The following PCLO variants were observed in gnomAD, a reference collection of about 807,000 sequenced individuals.
The protein encoded by PCLO is protein piccolo.
PCLO carries 82 observed loss-of-function variants against 427.5 expected under a neutral mutation model. The ratio of observed to expected loss-of-function variants is 0.19; its 90% CI spans 0.16 to 0.23. PCLO has a LOEUF of 0.23. Ranked by LOEUF, PCLO falls within the 10% of genes least tolerant of loss-of-function variation. PCLO has a pLI of 1.00. For missense variants in PCLO, 6,239 were observed against 6,115.9 expected, an observed-to-expected ratio of 1.02 and a Z score of -0.67; for synonymous variants, 2,357 against 2,155.4, an observed-to-expected ratio of 1.09 and a Z score of -2.59.
At chr7:82,872,359 C>G (rs1359595680) in intron 10 of PCLO, among the ~76,000 whole-genome samples, 1 of 151,898 alleles carries the variant, frequency 6.6e-6, no homozygotes, top group Non-Finnish European at 1.5e-5. Flanking sequence ...AAAATATGAT[C>G]ATACTCAGCA....
intron 8 of PCLO, among the ~76,000 whole-genome samples, chr7:82,903,247 T>G (rs1457970937): frequency 6.6e-6 from 1 of 151,992 alleles, no homozygotes; most frequent in Non-Finnish European, 1.5e-5. Context: ...TGATTTATTG[T>G]GGCATTGTAC....
chr7:83,079,000 C>T (rs1233943091), intron 3 of PCLO, among the ~76,000 whole-genome samples: 3 of 152,048 alleles, frequency 2.0e-5, no homozygotes, highest in Non-Finnish European at 4.4e-5. Flanking sequence ...AGATTCTCAT[C>T]AGAAGTCTTT....
At position 82,955,602 on chromosome 7, in the gene PCLO, T is replaced by A. The variant is rs752940317; in HGVS notation, c.5351A>T (p.Glu1784Val). The A allele has an allele frequency of 1.9e-6, 3 of 1,613,918 alleles. No homozygotes were observed. Among genetic ancestry groups the A allele is most frequent in the Non-Finnish European group, 1.7e-6 (2 of 1,179,836 alleles). ...CTGCTTTTCTTGCTCCTTTAATAAT[T>A]CTTCTTCCTCTCTCAATTCTTCTTC... Reference protein sequence around the residue: ...SEEEELREEEELLKEQEKQRE... With the variant: ...SEEEELREEEVLLKEQEKQRE... Residue 1784 changes from glutamate (E) to valine (V), a missense_variant, in exon 5 of 25, where the codon GAA becomes GTA. Physicochemically the swap from Glu to Val is moderately radical, Grantham distance 121. Transcript: ENST00000333891.
intron 22 of PCLO, among the ~76,000 whole-genome samples, chr7:82,765,853 C>A (rs1790521112): frequency 6.6e-6 from 1 of 151,524 alleles, no homozygotes; most frequent in African/African-American, 2.4e-5. Context: ...TGAATCAGAT[C>A]TTAAGATCTC....
intron 3 of PCLO, among the ~76,000 whole-genome samples, chr7:82,973,521 AC>A (rs1279207943): frequency 6.6e-6 from 1 of 152,150 alleles, no homozygotes; most frequent in African/African-American, 2.4e-5. Flanking sequence ...TATAAATACA[AC>A]CTAATACAAT....
Position 82,761,505 on chromosome 7 carries a change from T to G in PCLO, c.15008-12A>C. On this transcript the variant is annotated splice_polypyrimidine_tract_variant and intron_variant, in intron 22 of 24. Transcript: ENST00000333891. ...TACCTGAGTTTTAGCTGGGAGAATT[T>G]AATAAAAATGCAAAGAAGTATGTAA... 1 of 1,582,364 alleles carries G rather than the reference T, an allele frequency of 6.3e-7. No individual in the cohort carries two copies. Among genetic ancestry groups the G allele is most frequent in the Non-Finnish European group, 8.6e-7 (1 of 1,162,174 alleles).
At chr7:82,787,922 A>C (rs926762879) in intron 22 of PCLO, among the ~76,000 whole-genome samples, 2 of 152,112 alleles carry the variant, frequency 1.3e-5, no homozygotes, top group Admixed American at 6.6e-5. Context: ...ACTTGAAGAA[A>C]AAGCTGTCTT....
intron 9 of PCLO, among the ~76,000 whole-genome samples, chr7:82,891,747 C>T (rs1213787822): frequency 3.3e-5 from 5 of 151,870 alleles, no homozygotes; most frequent in South Asian, 2.1e-4. Context: ...TATCATGAAG[C>T]GCTGTTGAAT....
chr7:83,126,649 T>C (rs866752218), intron 3 of PCLO, among the ~76,000 whole-genome samples: 2 of 152,028 alleles, frequency 1.3e-5, no homozygotes, highest in Non-Finnish European at 2.9e-5. Flanking sequence ...GGGAAAATCA[T>C]TTCCAGATAG....
At chr7:82,932,198 A>C (rs1794855747) in intron 6 of PCLO, among the ~76,000 whole-genome samples, 1 of 152,112 alleles carries the variant, frequency 6.6e-6, no homozygotes, top group African/African-American at 2.4e-5. Context: ...TGGCTCTTTG[A>C]ACTTTTAGTT....
At chr7:83,130,157 G>GTTGTTA (rs1389795976) in intron 3 of PCLO, among the ~76,000 whole-genome samples, 1 of 151,796 alleles carries the variant, frequency 6.6e-6, no homozygotes, top group African/African-American at 2.4e-5. Context: ...TGTTGTTGTT[G>GTTGTTA]TTGTTATTAT....
intron 3 of PCLO, among the ~76,000 whole-genome samples, chr7:83,104,252 A>T (rs1219518871): frequency 3.9e-5 from 6 of 152,052 alleles, no homozygotes; most frequent in Non-Finnish European, 5.9e-5. Context: ...TTGGTCACAC[A>T]AGTAAATTCA....
intron 3 of PCLO, among the ~76,000 whole-genome samples, chr7:83,114,338 A>C (rs1791079343): frequency 6.6e-6 from 1 of 152,060 alleles, no homozygotes; most frequent in African/African-American, 2.4e-5. Context: ...GGTCAAGAGA[A>C]AGTGATATTT....
At chr7:82,821,596 T>C (rs1791793256) in intron 20 of PCLO, 1 of 969,330 alleles carries the variant, frequency 1.0e-6, no homozygotes, top group Non-Finnish European at 1.2e-6. Flanking sequence ...TTTTATATAA[T>C]TATATCAATC....
chr7:83,075,268 CTTT>C (rs927984013), intron 3 of PCLO, among the ~76,000 whole-genome samples: 18 of 152,148 alleles, frequency 1.2e-4, no homozygotes, highest in East Asian at 3.9e-4. Flanking sequence ...GGACTATTTT[CTTT>C]TTTATCTATG....
chr7:83,067,067 A>T (rs1307351487), intron 3 of PCLO, among the ~76,000 whole-genome samples: 2 of 152,210 alleles, frequency 1.3e-5, no homozygotes, highest in Non-Finnish European at 2.9e-5. Flanking sequence ...TCTTCATGCT[A>T]TCTGTATAAG....
At position 82,978,835 on chromosome 7, in the gene PCLO, AACACACACACACACACACACAAACAC is replaced by A. The variant is rs1231538513; in HGVS notation, c.3301-12374_3301-12349del. Among the ~76,000 whole-genome samples the A allele has an allele frequency of 5.9e-4, 77 of 129,922 alleles. No individual in the cohort carries two copies. In the East Asian group the frequency reaches 0.014, roughly 23 times the overall value. The allele number at this position is 129,922 out of a possible 152,430, so 85.2% of individuals were successfully genotyped here. The stretch of plus-strand genomic sequence containing the variant: ...ATGAACCAAAGCTCCAGGAACAAGA[AACACACACACACACACACACAAACAC>A]ACACACACACACACACACACACACA... On this transcript the variant is annotated intron_variant, in intron 3 of 24. Coordinates refer to ENST00000333891, the MANE Select transcript of PCLO (RefSeq NM_033026.6).
At chr7:83,090,327 G>C (rs1466181088) in intron 3 of PCLO, among the ~76,000 whole-genome samples, 1 of 152,106 alleles carries the variant, frequency 6.6e-6, no homozygotes, top group Non-Finnish European at 1.5e-5. Context: ...AGCACATATA[G>C]CCAGAAATCC....
chr7:82,881,797 T>C (rs561118436), intron 9 of PCLO, among the ~76,000 whole-genome samples: 1 of 152,020 alleles, frequency 6.6e-6, no homozygotes, highest in African/African-American at 2.4e-5. Flanking sequence ...CATGCCACCA[T>C]GCCCACCTAA....
Sources: allele counts gnomAD v4.1 joint callset (sites outside exome capture counted in the v4.1 genomes callset), GRCh38; gene constraint gnomAD v4.1.1; transcripts MANE v1.5; gene names NCBI Gene and HGNC (gene_info 2026-07-23, HGNC 2026-07-21).